FLYWCH1: variants seen among roughly 807,000 people sequenced by gnomAD.
FLYWCH1 encodes the protein FLYWCH-type zinc finger 1, also known as FLYWCH-type zinc finger-containing protein 1.
In FLYWCH1, 75 loss-of-function variants were observed where a neutral mutation model predicts 66.4. The observed-to-expected ratio is 1.13, with a 90% CI of 0.94 to 1.37. The LOEUF is 1.37. FLYWCH1 is among the 40% of genes most tolerant of loss of function. The pLI is 0.00. For missense variants in FLYWCH1, 1,334 were observed against 1,001.8 expected, an observed-to-expected ratio of 1.33 and a Z score of -4.48; for synonymous variants, 595 against 429.9, an observed-to-expected ratio of 1.38 and a Z score of -4.75.
At position 2,946,213 on chromosome 16, in the gene FLYWCH1, C is replaced by G. The variant is rs542327342; in HGVS notation, c.2112-2475C>G. On this transcript the variant is annotated intron_variant, in intron 9 of 9. Transcript: ENST00000253928. ...AGTGTTGTATACTAAGTGTGCAGGA[C>G]ATACACTAATGCTTTAGGCCTCCAC... 5.9e-5 allele frequency among the ~76,000 whole-genome samples: 9 copies of G among 151,480 alleles called. No homozygotes were observed. The East Asian group carries it at 1.7e-3, about 29-fold the overall frequency.
chr16:2,913,849 C>G (rs2070073402), intron 1 of FLYWCH1, among the ~76,000 whole-genome samples: 1 of 130,906 alleles, frequency 7.6e-6, no homozygotes, highest in African/African-American at 2.9e-5. Context: ...TGGAGTCATC[C>G]AGGAGCTTTA....
intron 9 of FLYWCH1, among the ~76,000 whole-genome samples, chr16:2,944,295 C>T (rs1210285126): frequency 6.6e-6 from 1 of 150,508 alleles, no homozygotes; most frequent in Non-Finnish European, 1.5e-5. Context: ...GAGGCTGAGG[C>T]AGGAGAATCG....
chr16:2,947,367 A>T (rs1317006722), intron 9 of FLYWCH1, among the ~76,000 whole-genome samples: 3 of 152,140 alleles, frequency 2.0e-5, no homozygotes, highest in African/African-American at 7.2e-5. Flanking sequence ...TGGGAGGTGA[A>T]ATGTTCTAAA....
chr16:2,949,970 A>C lies in FLYWCH1; in HGVS notation c.*1243A>C, dbSNP rs1363221979. ...TGGCCCAGACGTAACCTGGACCAAG[A>C]GTGGACGGAGACACCTGGGGTTGGG... On this transcript the variant is annotated 3_prime_UTR_variant, in exon 10 of 10. Coordinates refer to ENST00000253928, the MANE Select transcript of FLYWCH1 (RefSeq NM_001308068.2). The C allele has an allele frequency of 6.6e-6, 1 of 152,146 alleles. No individual in the cohort carries two copies. The highest frequency in any genetic ancestry group is 2.4e-5 in the African/African-American group (1 of 41,406). The allele number at this position is 152,146 out of a possible 1,614,324, so 9.4% of individuals were successfully genotyped here. A position where few individuals can be genotyped will look rare whatever the true frequency, so the allele number is the denominator to read the frequency against.
chr16:2,913,797 G>A (rs1227917069), intron 1 of FLYWCH1, among the ~76,000 whole-genome samples: 1 of 152,160 alleles, frequency 6.6e-6, no homozygotes, highest in African/African-American at 2.4e-5. Flanking sequence ...CACCTCCAAC[G>A]CTCATGGTTC....
intron 4 of FLYWCH1, among the ~76,000 whole-genome samples, chr16:2,931,177 C>T (rs1026326645): frequency 6.6e-6 from 1 of 151,786 alleles, no homozygotes; most frequent in South Asian, 2.1e-4. Flanking sequence ...CTGGTGCGCA[C>T]CTGTAATCCC....
intron 8 of FLYWCH1, among the ~76,000 whole-genome samples, chr16:2,938,793 T>C (rs1567347754): frequency 6.6e-6 from 1 of 151,406 alleles, no homozygotes; most frequent in Non-Finnish European, 1.5e-5. Context: ...TTTGTATTTT[T>C]AGTAGAGACG....
chr16:2,946,740 C>T (rs576082686), intron 9 of FLYWCH1, among the ~76,000 whole-genome samples: 73 of 152,172 alleles, frequency 4.8e-4, no homozygotes, highest in African/African-American at 1.5e-3. Context: ...TACAAATGGC[C>T]GATAGGGATA....
In FLYWCH1 at chr16:2,933,717, A is replaced by C. The variant is rs746281630; in HGVS notation, c.1251A>C (p.Gly417=). The C allele has an allele frequency of 5.0e-6, 8 of 1,611,652 alleles. No homozygotes were observed. The highest frequency in any genetic ancestry group is 8.5e-7 in the Non-Finnish European group (1 of 1,178,776). The change falls in exon 6 of 10, where the codon GGA becomes GGC. Residue 417 remains glycine, a splice_region_variant and synonymous_variant. Coordinates refer to ENST00000253928, the MANE Select transcript of FLYWCH1 (RefSeq NM_001308068.2). The part of the protein sequence containing the change: ...DEHQDMDADP[G]GPEFLKTPLG... Reference sequence around the variant, plus strand: ...TGACTGCCTCTTGAACCTCCCCAGGAGGCCCTGAGTTCCTGAAGACGCCCC... The same window carrying C: ...TGACTGCCTCTTGAACCTCCCCAGGCGGCCCTGAGTTCCTGAAGACGCCCC...
chr16:2,930,271 A>G (rs3743949), intron 3 of FLYWCH1, 139 bp from the exon 4 acceptor site: 124,301 of 641,416 alleles, frequency 0.19, 15,647 homozygotes, highest in East Asian at 0.46. Flanking sequence ...ACCAGCCCTG[A>G]GAGTCTGGGC....
chr16:2,940,338 C>T (rs532140583), intron 9 of FLYWCH1, among the ~76,000 whole-genome samples: 1 of 152,210 alleles, frequency 6.6e-6, no homozygotes, highest in East Asian at 1.9e-4. Context: ...ACTTGAGCAT[C>T]CTTCACATGA....
intron 1 of FLYWCH1, among the ~76,000 whole-genome samples, chr16:2,913,561 T>C (rs1190236531): frequency 6.6e-6 from 1 of 152,080 alleles, no homozygotes; most frequent in African/African-American, 2.4e-5. Flanking sequence ...ATCTGGCAGG[T>C]AGAGACCGGG....
At chr16:2,945,619 G>C (rs2071447627) in intron 9 of FLYWCH1, among the ~76,000 whole-genome samples, 1 of 136,258 alleles carries the variant, frequency 7.3e-6, no homozygotes, top group Admixed American at 7.4e-5. Context: ...CTCCAGCCTG[G>C]AAGACTACAT....
intron 4 of FLYWCH1, 135 bp from the exon 5 acceptor site, chr16:2,932,995 T>G (rs1489186907): frequency 2.6e-6 from 2 of 756,058 alleles, no homozygotes; most frequent in African/African-American, 3.5e-5. Flanking sequence ...CTCTGACATA[T>G]CTGGCTCAGG....
intron 2 of FLYWCH1, among the ~76,000 whole-genome samples, chr16:2,919,353 C>A (rs780634945): frequency 6.6e-6 from 1 of 151,518 alleles, no homozygotes; most frequent in African/African-American, 2.4e-5. Flanking sequence ...GCAACCTCTG[C>A]CCCCTGGGTT....
intron 2 of FLYWCH1, chr16:2,922,670 C>G: frequency 2.2e-6 from 1 of 452,136 alleles, no homozygotes; most frequent in Non-Finnish European, 4.3e-6. Flanking sequence ...ACATGATCTC[C>G]ATTTTGTTGG....
rs188577263 is a variant in FLYWCH1, at chr16:2,936,734, G to A, written c.1514-387G>A. 15 of 478,980 alleles carry A rather than the reference G, an allele frequency of 3.1e-5. No individual in the cohort carries two copies. In the East Asian group the frequency reaches 5.7e-4, roughly 18 times the overall value. The allele number at this position is 478,980 out of a possible 1,614,324, so 29.7% of individuals were successfully genotyped here. ...GGGGCCACCCCTCTCAGCCCCATCC[G>A]GCTCCTGAGCAGCTTTGTCCCCAGA... On this transcript the variant is annotated intron_variant, in intron 6 of 9. Coordinates refer to ENST00000253928, the MANE Select transcript of FLYWCH1 (RefSeq NM_001308068.2).
At chr16:2,918,216 C>A (rs1360881435) in intron 2 of FLYWCH1, among the ~76,000 whole-genome samples, 1 of 142,454 alleles carries the variant, frequency 7.0e-6, no homozygotes, top group Non-Finnish European at 1.5e-5. Flanking sequence ...GGGGCAATCT[C>A]GGCTCACTGC....
chr16:2,945,951 T>G (rs936111602), intron 9 of FLYWCH1, among the ~76,000 whole-genome samples: 2 of 151,880 alleles, frequency 1.3e-5, no homozygotes, highest in East Asian at 3.9e-4. Flanking sequence ...GAGCCGAGAT[T>G]GCGACACTGC....
Sources: allele counts gnomAD v4.1 joint callset (sites outside exome capture counted in the v4.1 genomes callset), GRCh38; gene constraint gnomAD v4.1.1; transcripts MANE v1.5; gene names NCBI Gene and HGNC (gene_info 2026-07-23, HGNC 2026-07-21).